RASSF4: variants seen among roughly 807,000 people sequenced by gnomAD.
RASSF4 encodes ras association domain-containing protein 4.
A neutral mutation model predicts 41.1 loss-of-function variants in RASSF4; 38 were observed. That is an observed-to-expected ratio of 0.92 (90% CI 0.71 to 1.21). The LOEUF (loss-of-function observed/expected upper bound fraction) is 1.21, where lower values mean the gene tolerates loss of function less well. RASSF4 is among the 50% of genes most tolerant of loss of function. The pLI is 0.00. For missense variants in RASSF4, 414 were observed against 419.4 expected, an observed-to-expected ratio of 0.99 and a Z score of 0.11; for synonymous variants, 179 against 163.4, an observed-to-expected ratio of 1.10 and a Z score of -0.73.
At chr10:44,975,039 C>A (rs550374890) in intron 3 of RASSF4, among the ~76,000 whole-genome samples, 3 of 152,248 alleles carry the variant, frequency 2.0e-5, no homozygotes, top group African/African-American at 7.2e-5. Flanking sequence ...GCAAGTGAGC[C>A]CCAGGCGGCA....
chr10:44,971,511 A>G (rs144694585), intron 2 of RASSF4: 8,194 of 643,118 alleles, frequency 0.013, 83 homozygotes, highest in Non-Finnish European at 0.019. Context: ...GGCACCCTGG[A>G]CATCCTGGAC....
chr10:44,974,153 C>A (rs1841297767), intron 3 of RASSF4, among the ~76,000 whole-genome samples: 1 of 152,210 alleles, frequency 6.6e-6, no homozygotes, highest in Non-Finnish European at 1.5e-5. Context: ...CTGTGATGCA[C>A]CCACCACGAC....
chr10:44,968,776 G>A (rs146617341), intron 1 of RASSF4, among the ~76,000 whole-genome samples: 13 of 152,286 alleles, frequency 8.5e-5, no homozygotes, highest in African/African-American at 1.9e-4. Flanking sequence ...CACTCAGGTC[G>A]GGAAGACATG....
rs766205927 is a variant in RASSF4, at chr10:44,982,505, G to A, written c.139-16G>A. 1 of 1,610,026 alleles carries A rather than the reference G, an allele frequency of 6.2e-7. No homozygotes were observed. The highest frequency in any genetic ancestry group is 1.1e-5 in the South Asian group (1 of 90,710). ...CAGCTGCTCTGGGGGAAGGGCTGAT[G>A]TGTGGACCCCCACAGGAAGAAGGGA... On this transcript the variant is annotated splice_polypyrimidine_tract_variant and intron_variant, in intron 3 of 10. Coordinates refer to ENST00000340258, the MANE Select transcript of RASSF4 (RefSeq NM_032023.4).
At chr10:44,974,701 T>C (rs1841327052) in intron 3 of RASSF4, among the ~76,000 whole-genome samples, 1 of 152,072 alleles carries the variant, frequency 6.6e-6, no homozygotes, top group South Asian at 2.1e-4. Flanking sequence ...TCTCCTCCAC[T>C]GTCTCATCCC....
intron 1 of RASSF4, among the ~76,000 whole-genome samples, chr10:44,966,908 A>G (rs1840923613): frequency 6.6e-6 from 1 of 152,174 alleles, no homozygotes; most frequent in Admixed American, 6.5e-5. Context: ...AGAATTTTCT[A>G]TTCTCCTGTG....
At position 44,984,873 on chromosome 10, in the gene RASSF4, G is replaced by T; in HGVS notation, c.434G>T (p.Cys145Phe). The change falls in exon 6 of 11, where the codon TGC becomes TTC. Residue 145 changes from cysteine (C) to phenylalanine (F), a missense_variant. Transcript: ENST00000340258. Reference protein sequence around the residue: ...QLMRTKSDASCMSQRRPKCRA... With the variant: ...QLMRTKSDASFMSQRRPKCRA... ...ATGCGGACCAAGAGCGACGCCAGTT[G>T]CATGAGCCAGAGGAGGCCCAAGTGC... 1 of 1,613,666 alleles carries T rather than the reference G, an allele frequency of 6.2e-7. No homozygotes were observed. The highest frequency in any genetic ancestry group is 2.2e-5 in the East Asian group (1 of 44,882).
intron 6 of RASSF4, among the ~76,000 whole-genome samples, chr10:44,987,537 A>G (rs1027851991): frequency 2.0e-5 from 3 of 149,730 alleles, no homozygotes; most frequent in Non-Finnish European, 4.4e-5. Flanking sequence ...AGCGTGCTTC[A>G]TTTTATTGTG....
chr10:44,967,935 AAGACAGG>A (rs1355365699), intron 1 of RASSF4, among the ~76,000 whole-genome samples: 1 of 152,150 alleles, frequency 6.6e-6, no homozygotes, highest in African/African-American at 2.4e-5. Context: ...CTAACATCAG[AAGACAGG>A]AGTAGTTCTG....
In RASSF4 at chr10:44,993,470, T is replaced by G. The variant is rs1031022388; in HGVS notation, c.*141T>G. ...CCTGTGTGTCTACCTCTCTGAAGCC[T>G]GAGCACCATGATTCCCACAGCCAGC... is the stretch of plus-strand genomic sequence containing the variant. On this transcript the variant is annotated 3_prime_UTR_variant, in exon 11 of 11. Transcript: ENST00000340258. The G allele has an allele frequency of 6.1e-6, 4 of 656,540 alleles. No individual in the cohort carries two copies. The African/African-American group carries it at 7.2e-5, about 12-fold the overall frequency. 40.7% of individuals were successfully genotyped at this position (656,540 alleles called of 1,614,324 possible).
chr10:44,973,798 G>A (rs1363402882), intron 3 of RASSF4, among the ~76,000 whole-genome samples: 2 of 152,232 alleles, frequency 1.3e-5, no homozygotes, highest in Non-Finnish European at 2.9e-5. Context: ...GTTTGTGTGT[G>A]TTGGTGTATG....
intron 6 of RASSF4, among the ~76,000 whole-genome samples, chr10:44,988,959 T>C (rs757419130): frequency 1.3e-5 from 2 of 152,174 alleles, no homozygotes; most frequent in African/African-American, 2.4e-5. Flanking sequence ...ACTTAATCAA[T>C]AGAAAGAGTG....
chr10:44,973,350 G>A (rs1427205018), intron 3 of RASSF4, among the ~76,000 whole-genome samples: 1 of 152,232 alleles, frequency 6.6e-6, no homozygotes, highest in Non-Finnish European at 1.5e-5. Context: ...GCTGGGTAGA[G>A]GGAGGCATTG....
intron 3 of RASSF4, chr10:44,977,385 G>C: frequency 5.1e-6 from 8 of 1,560,570 alleles, no homozygotes; most frequent in Non-Finnish European, 7.0e-6. Context: ...CCTTTACTGG[G>C]GAGGGGTCAG....
intron 5 of RASSF4, chr10:44,984,459 C>T: frequency 2.0e-6 from 1 of 493,762 alleles, no homozygotes. Context: ...CCCTCTGTAC[C>T]TGCTCACTCA....
At chr10:44,986,965 G>A (rs1410977954) in intron 6 of RASSF4, among the ~76,000 whole-genome samples, 1 of 152,218 alleles carries the variant, frequency 6.6e-6, no homozygotes, top group African/African-American at 2.4e-5. Flanking sequence ...TGTGGTTAGA[G>A]ATAAGAAAGT....
intron 3 of RASSF4, among the ~76,000 whole-genome samples, chr10:44,979,479 G>A (rs1841608876): frequency 6.6e-6 from 1 of 152,202 alleles, no homozygotes; most frequent in South Asian, 2.1e-4. Context: ...GAGATGAATG[G>A]GTGCTGTGAT....
intron 8 of RASSF4, among the ~76,000 whole-genome samples, chr10:44,990,378 A>T (rs947865546): frequency 2.6e-5 from 4 of 152,260 alleles, no homozygotes; most frequent in Non-Finnish European, 5.9e-5. Flanking sequence ...TGGAATATCC[A>T]GGGATGAATG....
intron 2 of RASSF4, 155 bp downstream of exon 2, chr10:44,970,419 T>C: frequency 1.6e-6 from 1 of 623,974 alleles, no homozygotes; most frequent in Non-Finnish European, 2.9e-6. Context: ...TTTGAGCCTG[T>C]CCAATAGGGG....
Sources: gnomAD v4.1 joint callset for allele counts (sites outside exome capture counted in the v4.1 genomes callset) on GRCh38, gnomAD v4.1.1 for gene constraint, MANE v1.5 for transcripts, NCBI Gene and HGNC (gene_info 2026-07-23, HGNC 2026-07-21) for gene names.